Variants in MMEL1 observed in about 807,000 individuals in gnomAD.
The protein encoded by MMEL1 is membrane metallo-endopeptidase-like 1.
Under a neutral mutation model 117.1 loss-of-function variants are expected in MMEL1, and 98 were observed. That is an observed-to-expected ratio of 0.84 (90% CI 0.71 to 0.99). The LOEUF (loss-of-function observed/expected upper bound fraction) is 0.99. Among genes scored for constraint, MMEL1 ranks in the 50% least tolerant of loss-of-function variants. The pLI, the probability that MMEL1 is intolerant of heterozygous loss-of-function variation, is 0.00. For synonymous variants in MMEL1, 390 were observed against 415.1 expected (o/e 0.94, Z 0.74); for missense variants, 1,014 against 1,049.1 (o/e 0.97, Z 0.46).
At position 2,594,824 on chromosome 1, in the gene MMEL1, G is replaced by T. The variant is rs775495866; in HGVS notation, c.1654C>A (p.Leu552Ile). The T allele has an allele frequency of 1.2e-6, 2 of 1,613,868 alleles. No individual in the cohort carries two copies. The highest frequency in any genetic ancestry group is 1.7e-6 in the Non-Finnish European group (2 of 1,180,006). Residue 552 changes from leucine (L) to isoleucine (I), a missense_variant, in exon 17 of 24, where the codon CTC becomes ATC. Coordinates refer to ENST00000378412, the MANE Select transcript of MMEL1 (RefSeq NM_033467.4). ...TCCACCTTTTCCCGAAGCTTCCTGAGGCTCCGCTGGGCGCCCACCTTGAGG... is the reference window on the plus strand; with the variant it reads ...TCCACCTTTTCCCGAAGCTTCCTGATGCTCCGCTGGGCGCCCACCTTGAGG... ...QNLKVGAQRS[L>I]RKLREKVDPN...
intron 17 of MMEL1, 42 bp from the exon 18 acceptor site, chr1:2,594,485 G>C: frequency 6.5e-7 from 1 of 1,549,708 alleles, no homozygotes; most frequent in Non-Finnish European, 8.7e-7. Flanking sequence ...CCTCTCCGGG[G>C]ACCCTCCCTC....
chr1:2,605,679 G>T, intron 8 of MMEL1, 56 bp from the exon 9 acceptor site: 1 of 1,339,030 alleles, frequency 7.5e-7, no homozygotes, highest in Non-Finnish European at 1.1e-6. Context: ...CCGCAGCCTG[G>T]CTGAGGCAGG....
At chr1:2,632,758 A>C in intron 1 of MMEL1, 108 bp downstream of exon 1, 1 of 680,018 alleles carries the variant, frequency 1.5e-6, no homozygotes, top group Non-Finnish European at 1.8e-6. Flanking sequence ...CAGCCTCCTG[A>C]GAAAGGGGCT....
chr1:2,629,287 AGAGCGGGCACGGG>A, intron 2 of MMEL1, 31 bp downstream of exon 2: 1 of 1,505,210 alleles, frequency 6.6e-7, no homozygotes, highest in Non-Finnish European at 8.9e-7. Context: ...GCGAGCGCGG[AGAGCGGGCACGGG>A]GACAGGCGGG....
At chr1:2,629,587 G>C in intron 1 of MMEL1, 66 bp from the exon 2 acceptor site, 1 of 1,337,864 alleles carries the variant, frequency 7.5e-7, no homozygotes, top group Non-Finnish European at 9.7e-7. Flanking sequence ...CCCGAGGCTG[G>C]AAGGGCCGGA....
chr1:2,622,850 C>T (rs1439475089), intron 2 of MMEL1, among the ~76,000 whole-genome samples: 2 of 143,816 alleles, frequency 1.4e-5, no homozygotes, highest in African/African-American at 2.6e-5. Flanking sequence ...TGTCACTTCG[C>T]TCCAGCCTGG....
chr1:2,594,714 T>A (rs933748460), intron 17 of MMEL1, 76 bp downstream of exon 17: 36 of 1,297,648 alleles, frequency 2.8e-5, no homozygotes, highest in Non-Finnish European at 3.8e-5. Context: ...GTCCCCCGCC[T>A]GGCAGGCAGC....
intron 2 of MMEL1, among the ~76,000 whole-genome samples, chr1:2,617,866 A>C (rs1011353698): frequency 6.6e-6 from 1 of 152,180 alleles, no homozygotes; most frequent in Non-Finnish European, 1.5e-5. Flanking sequence ...ATCTCTCCAA[A>C]AGGAGATTTT....
rs762111171 is a variant in MMEL1 at position 2,592,951 on chromosome 1, T to C, written c.1883A>G (p.Lys628Arg). The C allele has an allele frequency of 1.9e-5, 31 of 1,613,574 alleles. 1 individual carries two copies. The South Asian group carries it at 3.2e-4, about 17-fold the overall frequency. ...GFDDNGRNFD[K>R]NGNMMDWWSN... The stretch of plus-strand genomic sequence containing the variant: ...CCACCAATCCATCATGTTGCCATTC[T>C]TGTCGAAGTTCCGGCCTGGGCAGGG... Residue 628 changes from lysine (K) to arginine (R), a missense_variant, in exon 20 of 24, where the codon AAG becomes AGG. By Grantham distance (26) the Lys-to-Arg change is conservative. Coordinates refer to ENST00000378412, the MANE Select transcript of MMEL1 (RefSeq NM_033467.4).
At chr1:2,598,365 G>A in intron 12 of MMEL1, 65 bp from the exon 13 acceptor site, 1 of 1,517,682 alleles carries the variant, frequency 6.6e-7, no homozygotes, top group Non-Finnish European at 9.1e-7. Flanking sequence ...GAGGAGATAT[G>A]GCTTAGGGCC....
Position 2,609,372 on chromosome 1 carries a change from CCTT to C in MMEL1, c.499_501del (p.Lys167del), listed in dbSNP as rs1645088664. On this transcript the variant is annotated inframe_deletion, in exon 6 of 24. Coordinates refer to ENST00000378412, the MANE Select transcript of MMEL1 (RefSeq NM_033467.4). ...ATGCAGGAGCGGTACAGCGTCCTGGCCTTCTCCACAGCCGGCCGGTCCTTGGCA... is the reference window on the plus strand; with the variant it reads ...ATGCAGGAGCGGTACAGCGTCCTGGCCTCCACAGCCGGCCGGTCCTTGGCA... 1 of 1,612,012 alleles carries C rather than the reference CCTT, an allele frequency of 6.2e-7. No homozygotes were observed. Among genetic ancestry groups the C allele is most frequent in the Admixed American group, 1.7e-5 (1 of 59,858 alleles).
At chr1:2,601,913 C>T (rs1644938355) in intron 11 of MMEL1, among the ~76,000 whole-genome samples, 1 of 152,244 alleles carries the variant, frequency 6.6e-6, no homozygotes, top group South Asian at 2.1e-4. Context: ...GAGGGTGTGG[C>T]ACCAGCCGCT....
intron 2 of MMEL1, among the ~76,000 whole-genome samples, chr1:2,622,290 A>C (rs1645301370): frequency 6.6e-6 from 1 of 151,744 alleles, no homozygotes; most frequent in African/African-American, 2.4e-5. Flanking sequence ...CAGATGAATC[A>C]CCTGGGGGTC....
rs766390484 is a variant in MMEL1, at chr1:2,592,640, C to A, written c.2067+15G>T. On this transcript the variant is annotated intron_variant, in intron 21 of 23. Transcript: ENST00000378412. ...CCCCTGCCGCGCTGACGCCCCCTCC[C>A]CTGCCAGGCCCCACCTTATAGGCTT... 6.5e-7 allele frequency: 1 copy of A among 1,544,880 alleles called. No individual in the cohort carries two copies. The highest frequency in any genetic ancestry group is 8.7e-7 in the Non-Finnish European group (1 of 1,151,990).
intron 2 of MMEL1, among the ~76,000 whole-genome samples, chr1:2,615,866 G>C (rs1327153471): frequency 6.6e-6 from 1 of 152,128 alleles, no homozygotes; most frequent in Non-Finnish European, 1.5e-5. Context: ...AATATTTGAA[G>C]AGATACTGAC....
intron 2 of MMEL1, among the ~76,000 whole-genome samples, chr1:2,626,607 A>T (rs950329040): frequency 2.6e-5 from 4 of 152,278 alleles, no homozygotes; most frequent in Admixed American, 2.6e-4. Context: ...TAGTTTGCCA[A>T]CCCCTGTACT....
intron 14 of MMEL1, 46 bp downstream of exon 14, chr1:2,596,515 C>T (rs781472444): frequency 2.1e-5 from 34 of 1,592,564 alleles, no homozygotes; most frequent in Non-Finnish European, 2.8e-5. Context: ...CTCGGTGTCC[C>T]TGTGGAAGGC....
chr1:2,616,072 C>T (rs1286787313), intron 2 of MMEL1, among the ~76,000 whole-genome samples: 3 of 152,274 alleles, frequency 2.0e-5, no homozygotes, highest in South Asian at 4.1e-4. Flanking sequence ...CATGGTGGCT[C>T]ATGCCTGAAT....
intron 2 of MMEL1, among the ~76,000 whole-genome samples, chr1:2,625,548 G>A (rs72646019): frequency 0.015 from 2,244 of 152,282 alleles, 26 homozygotes; most frequent in Middle Eastern, 0.051. Flanking sequence ...GAATCACAGC[G>A]GAGCCCTCTA....
Sources: allele counts gnomAD v4.1 joint callset (sites outside exome capture counted in the v4.1 genomes callset), GRCh38; gene constraint gnomAD v4.1.1; transcripts MANE v1.5; gene names NCBI Gene and HGNC (gene_info 2026-07-23, HGNC 2026-07-21).